The following ASIP variants were observed in gnomAD, a reference collection of about 807,000 sequenced individuals.
ASIP encodes agouti signaling protein, also known as agouti-signaling protein.
A neutral mutation model predicts 10.3 loss-of-function variants in ASIP; 11 were observed. The observed-to-expected ratio is 1.07, with a 90% CI of 0.68 to 1.78. ASIP has a LOEUF of 1.78. Among genes scored for constraint, ASIP ranks in the 40% most tolerant of loss-of-function variants. ASIP has a pLI of 0.00. For missense variants in ASIP, 180 were observed against 169.2 expected (o/e 1.06, Z -0.35); for synonymous variants, 70 against 70.8 (o/e 0.99, Z 0.06).
intron 1 of ASIP, among the ~76,000 whole-genome samples, chr20:34,212,222 C>T (rs1048544317): frequency 5.9e-5 from 9 of 151,734 alleles, no homozygotes; most frequent in East Asian, 1.9e-4. Context: ...AATTTCATAA[C>T]GTAAAGAAAA....
intron 1 of ASIP, among the ~76,000 whole-genome samples, chr20:34,212,788 G>T (rs1482486847): frequency 6.6e-6 from 1 of 152,126 alleles, no homozygotes; most frequent in Non-Finnish European, 1.5e-5. Context: ...ACTCCATTGA[G>T]ATATTTCCAT....
chr20:34,191,456 T>A (rs1274279382), upstream of ASIP, among the ~76,000 whole-genome samples: 2 of 152,122 alleles, frequency 1.3e-5, no homozygotes, highest in African/African-American at 2.4e-5. Context: ...GGCCCTCTGG[T>A]CCCAGCGGTC....
At chr20:34,247,076 TC>T (rs2035389192) in intron 1 of ASIP, among the ~76,000 whole-genome samples, 1 of 152,112 alleles carries the variant, frequency 6.6e-6, no homozygotes, top group African/African-American at 2.4e-5. Context: ...CACCACAGCC[TC>T]AACCTCCCAG....
chr20:34,236,652 A>G (rs946538053), upstream of ASIP, among the ~76,000 whole-genome samples: 2 of 152,184 alleles, frequency 1.3e-5, no homozygotes, highest in Non-Finnish European at 1.5e-5. Context: ...GGAGTTTGAA[A>G]CCAGCCTAGG....
At position 34,256,473 on chromosome 20, in the gene ASIP, T is replaced by A. The variant is rs532485220; in HGVS notation, c.-10-3892T>A. Among the ~76,000 whole-genome samples, 16 of 152,318 alleles carry A rather than the reference T, an allele frequency of 1.1e-4. 1 individual carries two copies. Among genetic ancestry groups the A allele is most frequent in the Middle Eastern group, 6.8e-3 (2 of 294 alleles). On this transcript the variant is annotated intron_variant, in intron 1 of 3. Transcript: ENST00000374954. Reference sequence around the variant, plus strand: ...ACCCGATAACACCCGGCTAATTTTTTAAAAATTTTTTGTAGAGATGAGGTC... The same window carrying A: ...ACCCGATAACACCCGGCTAATTTTTAAAAAATTTTTTGTAGAGATGAGGTC...
chr20:34,238,965 C>A (rs763244819), upstream of ASIP, among the ~76,000 whole-genome samples: 34 of 152,208 alleles, frequency 2.2e-4, 1 homozygote, highest in African/African-American at 7.0e-4. Flanking sequence ...TCTGCCAGTA[C>A]AAGTTTTGGT....
chr20:34,251,302 G>A (rs1253747580), intron 1 of ASIP, among the ~76,000 whole-genome samples: 2 of 149,808 alleles, frequency 1.3e-5, no homozygotes, highest in South Asian at 2.1e-4. Context: ...ACAGAGTCTC[G>A]CTCCGTCGCC....
intron 1 of ASIP, chr20:34,215,521 A>T (rs1368971734): frequency 1.4e-5 from 22 of 1,530,466 alleles, no homozygotes; most frequent in Non-Finnish European, 2.0e-5. Context: ...GTCAAAAAAA[A>T]AACTTGGGCC....
upstream of ASIP, among the ~76,000 whole-genome samples, chr20:34,236,825 A>C (rs1057205669): frequency 3.3e-5 from 5 of 152,200 alleles, no homozygotes; most frequent in Non-Finnish European, 7.3e-5. Context: ...TGAGTTTTAT[A>C]GTTTCAGGTC....
chr20:34,264,499 A>G (rs1457037378), intron 3 of ASIP, among the ~76,000 whole-genome samples: 1 of 152,216 alleles, frequency 6.6e-6, no homozygotes, highest in Non-Finnish European at 1.5e-5. Context: ...GACCCATACT[A>G]GGTGCTACTA....
intron 1 of ASIP, among the ~76,000 whole-genome samples, chr20:34,227,215 C>T (rs541510104): frequency 7.0e-4 from 106 of 151,512 alleles, no homozygotes; most frequent in Non-Finnish European, 1.2e-3. Flanking sequence ...TACAAATTGA[C>T]GTGTTAAAAA....
At chr20:34,198,399 C>T (rs1336124714) in intron 1 of ASIP, among the ~76,000 whole-genome samples, 4 of 152,050 alleles carry the variant, frequency 2.6e-5, no homozygotes, top group East Asian at 1.9e-4. Context: ...CATTGCTTAA[C>T]GTTTTAAATC....
At chr20:34,223,281 C>T (rs1443249041) in intron 1 of ASIP, among the ~76,000 whole-genome samples, 4 of 151,062 alleles carry the variant, frequency 2.6e-5, no homozygotes, top group African/African-American at 4.9e-5. Context: ...TGCCCTGCCG[C>T]CCCGTCTGGG....
intron 1 of ASIP, among the ~76,000 whole-genome samples, chr20:34,202,467 A>G (rs1051534260): frequency 6.6e-6 from 1 of 152,246 alleles, no homozygotes; most frequent in Admixed American, 6.5e-5. Flanking sequence ...ATTGTGGTGA[A>G]TGGCAATGTA....
chr20:34,266,501 C>T (rs1223030068), intron 3 of ASIP, among the ~76,000 whole-genome samples: 1 of 151,938 alleles, frequency 6.6e-6, no homozygotes, highest in Non-Finnish European at 1.5e-5. Context: ...GGTGAAACCC[C>T]GTCTCTACTA....
chr20:34,201,013 CTTCCTTCTTTCTTTCTTTCTTTCTTTCT>C (rs2034892111), intron 1 of ASIP, among the ~76,000 whole-genome samples: 1 of 55,236 alleles, frequency 1.8e-5, no homozygotes, highest in African/African-American at 9.6e-5. Flanking sequence ...TCCTTCCTTC[CTTCCTTCTTTCTTTCTTTCTTTCTTTCT>C]TTCTTTCTTT....
intron 3 of ASIP, among the ~76,000 whole-genome samples, chr20:34,266,875 A>G (rs979576863): frequency 1.3e-5 from 2 of 152,202 alleles, no homozygotes; most frequent in Non-Finnish European, 2.9e-5. Context: ...ACTTTGGGAA[A>G]TACTGGACTG....
At chr20:34,208,444 T>C (rs551136131) in intron 1 of ASIP, among the ~76,000 whole-genome samples, 2 of 152,262 alleles carry the variant, frequency 1.3e-5, no homozygotes, top group South Asian at 4.1e-4. Context: ...AGCCTCTACC[T>C]CCTGGGCCCA....
the ASIP span, among the ~76,000 whole-genome samples, chr20:34,187,862 T>C: frequency 2.6e-5 from 4 of 152,296 alleles, no homozygotes; most frequent in East Asian, 1.9e-4. Context: ...AGAGTAAATA[T>C]AGTTATTTAT....
Sources: gnomAD v4.1 joint callset for allele counts (sites outside exome capture counted in the v4.1 genomes callset) on GRCh38, gnomAD v4.1.1 for gene constraint, MANE v1.5 for transcripts, NCBI Gene and HGNC (gene_info 2026-07-23, HGNC 2026-07-21) for gene names.